Variants in CFAP221 observed in about 807,000 individuals in gnomAD.
The protein encoded by CFAP221 is cilia and flagella associated protein 221.
Under a neutral mutation model 113.1 loss-of-function variants are expected in CFAP221, and 97 were observed. The observed-to-expected ratio is 0.86, with a 90% confidence interval of 0.73 to 1.02. The LOEUF (loss-of-function observed/expected upper bound fraction) is 1.02. Ranked by LOEUF, CFAP221 falls within the 50% of genes least tolerant of loss-of-function variation. The pLI is 0.00. For synonymous variants in CFAP221, 331 were observed against 354.4 expected (o/e 0.93, Z 0.74); for missense variants, 1,025 against 1,013.4 (o/e 1.01, Z -0.16).
intron 2 of CFAP221, 62 bp downstream of exon 2, chr2:119,546,332 A>G: frequency 1.3e-6 from 2 of 1,484,934 alleles, no homozygotes; most frequent in Non-Finnish European, 1.8e-6. Flanking sequence ...GCCAAAGTCC[A>G]GAGAGCATAA....
chr2:119,650,044 A>C (rs1242683431), intron 22 of CFAP221, among the ~76,000 whole-genome samples: 1 of 152,250 alleles, frequency 6.6e-6, no homozygotes, highest in African/African-American at 2.4e-5. Flanking sequence ...TGATCAGACT[A>C]GGATCACTGC....
chr2:119,620,271 C>T (rs556864827), intron 14 of CFAP221, among the ~76,000 whole-genome samples: 2 of 152,076 alleles, frequency 1.3e-5, no homozygotes, highest in African/African-American at 4.8e-5. Context: ...AGAAGAGCAA[C>T]CCCAAGACAC....
intron 2 of CFAP221, among the ~76,000 whole-genome samples, chr2:119,547,186 C>A (rs1192857017): frequency 6.6e-6 from 1 of 152,150 alleles, no homozygotes; most frequent in Non-Finnish European, 1.5e-5. Context: ...ATATACTTGA[C>A]CATTTCTGGG....
At chr2:119,548,492 C>G (rs896716903) in intron 2 of CFAP221, among the ~76,000 whole-genome samples, 1 of 152,134 alleles carries the variant, frequency 6.6e-6, no homozygotes, top group Non-Finnish European at 1.5e-5. Context: ...TTTTGTAGAC[C>G]TGGACACTTT....
chr2:119,610,065 A>G (rs928800469), intron 12 of CFAP221, among the ~76,000 whole-genome samples: 2 of 152,338 alleles, frequency 1.3e-5, no homozygotes, highest in South Asian at 4.1e-4. Context: ...ATTGTCTGTC[A>G]ACCCAACAGT....
At chr2:119,630,726 C>T (rs779204519) in intron 18 of CFAP221, 41 bp from the exon 19 acceptor site, 13 of 1,604,708 alleles carry the variant, frequency 8.1e-6, no homozygotes, top group Middle Eastern at 1.6e-4. Flanking sequence ...TCCCTCTTAT[C>T]CTGGCATCAA....
At chr2:119,602,452 A>G (rs1684430028) in intron 8 of CFAP221, among the ~76,000 whole-genome samples, 1 of 152,198 alleles carries the variant, frequency 6.6e-6, no homozygotes, top group African/African-American at 2.4e-5. Context: ...TTTGAAAATG[A>G]TAGGGAAATA....
At position 119,628,292 on chromosome 2, in the gene CFAP221, GGGGTGTGTGT is replaced by G. The variant is rs1254349822; in HGVS notation, c.1650+508_1650+517del. On this transcript the variant is annotated intron_variant, in intron 16 of 23. Transcript: ENST00000413369. Reference sequence around the variant, plus strand: ...CACTTCTCTCTCTCTCTCTCTCTGGGGGGTGTGTGTGTGTGTGTGTGTGTGTGTGTGTGTG... The same window carrying G: ...CACTTCTCTCTCTCTCTCTCTCTGGGGTGTGTGTGTGTGTGTGTGTGTGTG... 1.7e-3 allele frequency among the ~76,000 whole-genome samples: 21 copies of G among 12,070 alleles called. 1 individual carries two copies. In the South Asian group the frequency reaches 0.018, roughly 10 times the overall value. The allele number at this position is 12,070 out of a possible 152,430, so 7.9% of individuals were successfully genotyped here. A position where few individuals can be genotyped will look rare whatever the true frequency, so the allele number is the denominator to read the frequency against.
At position 119,629,888 on chromosome 2, in the gene CFAP221, TTGGAC is replaced by T; in HGVS notation, c.1668_1672del (p.Leu557ProfsTer3). ...TTCACATTTTAGGCTCCTGATGGCCTTGGACTGGTCCCAATTAAGTCTTCAGAAGT... is the reference window on the plus strand; with the variant it reads ...TTCACATTTTAGGCTCCTGATGGCCTTGGTCCCAATTAAGTCTTCAGAAGT... On this transcript the variant is annotated frameshift_variant, in exon 17 of 24. Transcript: ENST00000413369. LOFTEE classifies it high-confidence loss of function. 3 of 1,613,284 alleles carry T rather than the reference TTGGAC, an allele frequency of 1.9e-6. No individual in the cohort carries two copies. Among genetic ancestry groups the T allele is most frequent in the Non-Finnish European group, 2.5e-6 (3 of 1,179,290 alleles).
chr2:119,634,463 T>C (rs1686990297), intron 19 of CFAP221, among the ~76,000 whole-genome samples: 1 of 152,072 alleles, frequency 6.6e-6, no homozygotes. Context: ...CAAGACCGTG[T>C]TTCAAAAAAT....
chr2:119,561,241 G>A (rs1211175165), intron 5 of CFAP221, among the ~76,000 whole-genome samples: 1 of 152,016 alleles, frequency 6.6e-6, no homozygotes, highest in Non-Finnish European at 1.5e-5. Context: ...GGTGAGCCAA[G>A]GTTGCACCAC....
chr2:119,648,664 G>C (rs999846536), intron 22 of CFAP221: 5 of 156,772 alleles, frequency 3.2e-5, no homozygotes, highest in Non-Finnish European at 7.2e-5. Flanking sequence ...AACATTTTAA[G>C]TCTCACTTAT....
chr2:119,602,324 G>A (rs548630536), intron 8 of CFAP221, among the ~76,000 whole-genome samples: 2 of 152,234 alleles, frequency 1.3e-5, no homozygotes, highest in East Asian at 1.9e-4. Context: ...GCAGTGAGCC[G>A]AGATCACGCC....
intron 5 of CFAP221, 97 bp from the exon 6 acceptor site, chr2:119,561,917 A>T: frequency 1.2e-6 from 1 of 822,196 alleles, no homozygotes; most frequent in Non-Finnish European, 1.9e-6. Context: ...AATATTTTTT[A>T]ACGATGGAAA....
intron 12 of CFAP221, among the ~76,000 whole-genome samples, chr2:119,609,379 A>G (rs751937481): frequency 6.6e-6 from 1 of 152,202 alleles, no homozygotes; most frequent in Non-Finnish European, 1.5e-5. Flanking sequence ...GTGGCTTAAA[A>G]CAGCAGAAAT....
In CFAP221 at chr2:119,628,294, G is replaced by GGGGTGT. The variant is rs1553491014; in HGVS notation, c.1650+509_1650+510insGGTGTG. Among the ~76,000 whole-genome samples the GGGGTGT allele has an allele frequency of 1.8e-3, 253 of 137,582 alleles. 1 individual carries two copies. Among genetic ancestry groups the GGGGTGT allele is most frequent in the East Asian group, 0.013 (57 of 4,506 alleles). 90.3% of individuals were successfully genotyped at this position (137,582 alleles called of 152,430 possible). ...CTTCTCTCTCTCTCTCTCTCTGGGG[G>GGGGTGT]GTGTGTGTGTGTGTGTGTGTGTGTG... On this transcript the variant is annotated intron_variant, in intron 16 of 23. Coordinates refer to ENST00000413369, the MANE Select transcript of CFAP221 (RefSeq NM_001271049.2).
In CFAP221 at chr2:119,582,442, A is replaced by G. The variant is rs190403701; in HGVS notation, c.528-4677A>G. On this transcript the variant is annotated intron_variant, in intron 6 of 23. Coordinates refer to ENST00000413369, the MANE Select transcript of CFAP221 (RefSeq NM_001271049.2). Reference sequence around the variant, plus strand: ...GTTTAGACTTTGTTGGGAATTTTCAATAAGTAAGACATATCTTTTTTTTTT... The same window carrying G: ...GTTTAGACTTTGTTGGGAATTTTCAGTAAGTAAGACATATCTTTTTTTTTT... 5.5e-4 allele frequency among the ~76,000 whole-genome samples: 84 copies of G among 151,932 alleles called. No individual in the cohort carries two copies. In the East Asian group the frequency reaches 5.6e-3, roughly 10 times the overall value.
At position 119,608,675 on chromosome 2, in the gene CFAP221, A is replaced by C. The variant is rs1023305003; in HGVS notation, c.1221+86A>C. 9 of 1,149,042 alleles carry C rather than the reference A, an allele frequency of 7.8e-6. No homozygotes were observed. In the African/African-American group the frequency reaches 1.4e-4, roughly 18 times the overall value. The allele number at this position is 1,149,042 out of a possible 1,614,324, so 71.2% of individuals were successfully genotyped here. A position where few individuals can be genotyped will look rare whatever the true frequency, so the allele number is the denominator to read the frequency against. ...TATGCAAGATGCCAGGTGGAGGAAAACCCACAGTTAAGTTGGGAGTGGGAA... is the reference window on the plus strand; with the variant it reads ...TATGCAAGATGCCAGGTGGAGGAAACCCCACAGTTAAGTTGGGAGTGGGAA... On this transcript the variant is annotated intron_variant, in intron 12 of 23. Coordinates refer to ENST00000413369, the MANE Select transcript of CFAP221 (RefSeq NM_001271049.2).
At chr2:119,574,017 C>A (rs918248728) in intron 6 of CFAP221, among the ~76,000 whole-genome samples, 1 of 152,172 alleles carries the variant, frequency 6.6e-6, no homozygotes, top group East Asian at 1.9e-4. Context: ...AATTTTCTCA[C>A]AAAATGTTAA....
Sources: gnomAD v4.1 joint callset for allele counts (sites outside exome capture counted in the v4.1 genomes callset) on GRCh38, gnomAD v4.1.1 for gene constraint, MANE v1.5 for transcripts, NCBI Gene and HGNC (gene_info 2026-07-23, HGNC 2026-07-21) for gene names.